Variants in ACOXL observed in about 807,000 individuals in gnomAD.
ACOXL encodes acyl-CoA oxidase like, also known as acyl-coenzyme A oxidase-like protein.
Under a neutral mutation model 71.9 loss-of-function variants are expected in ACOXL, and 70 were observed. That is an observed-to-expected ratio of 0.97 (90% confidence interval 0.80 to 1.19). ACOXL has a LOEUF of 1.19. Ranked by LOEUF, ACOXL falls within the 50% of genes most tolerant of loss-of-function variation. ACOXL has a pLI of 0.00. For synonymous variants in ACOXL, 253 were observed against 281.6 expected (o/e 0.90, Z 1.02); for missense variants, 703 against 736.3 (o/e 0.95, Z 0.52).
At chr2:111,060,317 G>A (rs1333640085) in intron 16 of ACOXL, among the ~76,000 whole-genome samples, 2 of 152,104 alleles carry the variant, frequency 1.3e-5, no homozygotes, top group African/African-American at 4.8e-5. Context: ...TTAACCACTG[G>A]CTCCAATAGT....
At chr2:111,058,446 T>C (rs545732467) in intron 16 of ACOXL, among the ~76,000 whole-genome samples, 7 of 152,158 alleles carry the variant, frequency 4.6e-5, no homozygotes, top group Non-Finnish European at 1.0e-4. Flanking sequence ...GCTGGATGGA[T>C]TGACGAAGGC....
chr2:111,023,388 C>T (rs560010339), intron 14 of ACOXL, among the ~76,000 whole-genome samples: 1 of 152,118 alleles, frequency 6.6e-6, no homozygotes, highest in Non-Finnish European at 1.5e-5. Flanking sequence ...ACTGGAAAGG[C>T]CTGATGCATT....
chr2:110,771,407 C>A (rs1428963979), intron 2 of ACOXL, among the ~76,000 whole-genome samples: 2 of 152,158 alleles, frequency 1.3e-5, no homozygotes, highest in South Asian at 2.1e-4. Context: ...CCTGGACCCC[C>A]CTTTCATGTT....
At chr2:110,852,470 G>A (rs762694219) in intron 10 of ACOXL, among the ~76,000 whole-genome samples, 7 of 152,324 alleles carry the variant, frequency 4.6e-5, no homozygotes, top group Middle Eastern at 3.4e-3. Flanking sequence ...TTGGCAAGAC[G>A]TAATCCAGGG....
chr2:110,879,040 G>A (rs905908934), intron 10 of ACOXL, among the ~76,000 whole-genome samples: 4 of 149,720 alleles, frequency 2.7e-5, no homozygotes, highest in Admixed American at 2.0e-4. Flanking sequence ...CTGGGCGACA[G>A]GGCGAGGCTC....
chr2:111,057,615 TTCCCTC>T (rs2149865799), intron 16 of ACOXL, among the ~76,000 whole-genome samples: 1 of 151,854 alleles, frequency 6.6e-6, no homozygotes, highest in Non-Finnish European at 1.5e-5. Flanking sequence ...GGCAGAGGGG[TTCCCTC>T]TCTTGCCACA....
At chr2:110,899,618 T>G (rs1574043024) in intron 10 of ACOXL, among the ~76,000 whole-genome samples, 1 of 152,176 alleles carries the variant, frequency 6.6e-6, no homozygotes, top group Non-Finnish European at 1.5e-5. Context: ...TGCAATTTTT[T>G]AAAATATGAA....
chr2:110,949,365 C>T (rs1487781778), intron 12 of ACOXL, among the ~76,000 whole-genome samples: 1 of 145,234 alleles, frequency 6.9e-6, no homozygotes, highest in African/African-American at 2.5e-5. Flanking sequence ...TCCCGGGCAT[C>T]AACTGGTTTC....
intron 12 of ACOXL, among the ~76,000 whole-genome samples, chr2:110,943,177 GGAAA>G (rs2060951044): frequency 1.4e-5 from 2 of 139,208 alleles, no homozygotes; most frequent in Non-Finnish European, 3.1e-5. Context: ...AGGGAGGGAG[GGAAA>G]GAAGGAAGGA....
chr2:111,008,229 C>T (rs1187811265), intron 14 of ACOXL, among the ~76,000 whole-genome samples: 2 of 152,066 alleles, frequency 1.3e-5, no homozygotes, highest in Non-Finnish European at 1.5e-5. Flanking sequence ...CCTCTATATC[C>T]TGGTTGCTTT....
intron 1 of ACOXL, among the ~76,000 whole-genome samples, chr2:110,735,678 G>T (rs1477491285): frequency 6.6e-6 from 1 of 152,196 alleles, no homozygotes; most frequent in Non-Finnish European, 1.5e-5. Flanking sequence ...TAAGTCCTCA[G>T]ACTCCGGGAG....
chr2:110,953,573 T>G (rs1271891515), intron 12 of ACOXL, among the ~76,000 whole-genome samples: 1 of 152,174 alleles, frequency 6.6e-6, no homozygotes, highest in Non-Finnish European at 1.5e-5. Context: ...GCCTGTCTGA[T>G]CTATCAATTA....
intron 9 of ACOXL, among the ~76,000 whole-genome samples, chr2:110,814,779 C>G (rs1391170869): frequency 1.3e-5 from 2 of 152,138 alleles, no homozygotes; most frequent in Non-Finnish European, 2.9e-5. Flanking sequence ...AACAATATTC[C>G]TAGCATCAAG....
intron 10 of ACOXL, among the ~76,000 whole-genome samples, chr2:110,867,021 C>T (rs13424637): frequency 6.6e-6 from 1 of 151,964 alleles, no homozygotes; most frequent in Non-Finnish European, 1.5e-5. Flanking sequence ...AGGGTAGGAA[C>T]GCCCTGCAGA....
At chr2:110,765,700 A>C (rs868793354) in intron 1 of ACOXL, among the ~76,000 whole-genome samples, 3 of 152,156 alleles carry the variant, frequency 2.0e-5, no homozygotes, top group Non-Finnish European at 2.9e-5. Context: ...AACATACTGG[A>C]AGGAGCAAGG....
chr2:110,935,579 C>T (rs72944242), intron 12 of ACOXL, among the ~76,000 whole-genome samples: 3,691 of 152,274 alleles, frequency 0.024, 163 homozygotes, highest in African/African-American at 0.084. Flanking sequence ...TTAGAGAAGA[C>T]GCAGTCCATG....
intron 1 of ACOXL, among the ~76,000 whole-genome samples, chr2:110,757,952 A>T (rs1679913112): frequency 6.6e-6 from 1 of 152,178 alleles, no homozygotes. Context: ...TGTCTTCATT[A>T]TAAAATCTTT....
At chr2:110,832,917 G>A (rs1302585465) in intron 9 of ACOXL, among the ~76,000 whole-genome samples, 1 of 152,298 alleles carries the variant, frequency 6.6e-6, no homozygotes, top group Admixed American at 6.5e-5. Flanking sequence ...GATTTATAAA[G>A]TGATAGCGCC....
intron 10 of ACOXL, among the ~76,000 whole-genome samples, chr2:110,879,393 C>T (rs1696338840): frequency 6.6e-6 from 1 of 152,094 alleles, no homozygotes. Flanking sequence ...AATGATGTAG[C>T]CTAGGATTTC....
Sources: gnomAD v4.1 joint callset for allele counts (sites outside exome capture counted in the v4.1 genomes callset) on GRCh38, gnomAD v4.1.1 for gene constraint, MANE v1.5 for transcripts, NCBI Gene and HGNC (gene_info 2026-07-23, HGNC 2026-07-21) for gene names.